Variants in GRID2 observed in about 807,000 individuals in gnomAD.
GRID2 encodes the protein glutamate receptor ionotropic, delta-2.
A neutral mutation model predicts 114.8 loss-of-function variants in GRID2; 33 were observed. The ratio of observed to expected loss-of-function variants is 0.29; its 90% CI spans 0.22 to 0.38. The LOEUF (loss-of-function observed/expected upper bound fraction) is 0.38, where lower values mean the gene tolerates loss of function less well. Among genes scored for constraint, GRID2 ranks in the 10% least tolerant of loss-of-function variants. The pLI is 1.00. For synonymous variants in GRID2, 505 were observed against 449.9 expected (o/e 1.12, Z -1.55); for missense variants, 1,184 against 1,257.7 (o/e 0.94, Z 0.89).
At chr4:93,197,341 GTTACTT>G (rs1741597733) in intron 4 of GRID2, among the ~76,000 whole-genome samples, 1 of 152,100 alleles carries the variant, frequency 6.6e-6, no homozygotes, top group South Asian at 2.1e-4. Flanking sequence ...ATTTGGGTGA[GTTACTT>G]TAACTTTTTG....
chr4:93,041,034 C>G (rs1016770870), intron 2 of GRID2, among the ~76,000 whole-genome samples: 1 of 151,890 alleles, frequency 6.6e-6, no homozygotes, highest in Non-Finnish European at 1.5e-5. Flanking sequence ...AAATTAAGAA[C>G]AAAAATCAGA....
At chr4:93,076,982 C>T (rs879680828) in intron 2 of GRID2, among the ~76,000 whole-genome samples, 1 of 152,078 alleles carries the variant, frequency 6.6e-6, no homozygotes, top group Non-Finnish European at 1.5e-5. Flanking sequence ...GTAGCAGTCC[C>T]TCAGTCTTTT....
intron 13 of GRID2, among the ~76,000 whole-genome samples, chr4:93,545,378 G>T (rs2149533541): frequency 6.6e-6 from 1 of 152,252 alleles, no homozygotes; most frequent in African/African-American, 2.4e-5. Context: ...TATGGGAAGA[G>T]CTGGGTCAGA....
At chr4:92,964,325 A>C (rs1753001238) in intron 2 of GRID2, among the ~76,000 whole-genome samples, 2 of 151,900 alleles carry the variant, frequency 1.3e-5, no homozygotes, top group African/African-American at 4.8e-5. Context: ...TCTTCACTAA[A>C]AATATGTTGT....
chr4:93,200,043 A>C (rs985429355), intron 4 of GRID2, among the ~76,000 whole-genome samples: 8 of 152,134 alleles, frequency 5.3e-5, no homozygotes, highest in African/African-American at 1.7e-4. Flanking sequence ...TTTTAGCAGA[A>C]CTCTATAGTA....
At chr4:93,778,288 T>TA (rs1285193188), downstream of GRID2, among the ~76,000 whole-genome samples, 1 of 151,992 alleles carries the variant, frequency 6.6e-6, no homozygotes, top group East Asian at 1.9e-4. Context: ...CCTCTATTAA[T>TA]ATCTGTTTAC....
At chr4:92,850,808 G>T (rs1345001417) in intron 2 of GRID2, among the ~76,000 whole-genome samples, 1 of 151,908 alleles carries the variant, frequency 6.6e-6, no homozygotes, top group Non-Finnish European at 1.5e-5. Context: ...ACTTCCTTCA[G>T]ATGATTGGGA....
In GRID2 at chr4:93,632,816, C is replaced by A. The variant is rs1721050125; in HGVS notation, c.2360+6381C>A. ...TATAAATTACCTTGGGCAGTATGGCCATTTTCACGATGTTGATTCTTCCTA... is the reference window on the plus strand; with the variant it reads ...TATAAATTACCTTGGGCAGTATGGCAATTTTCACGATGTTGATTCTTCCTA... On this transcript the variant is annotated intron_variant, in intron 14 of 15. Transcript: ENST00000282020. 2.0e-5 allele frequency among the ~76,000 whole-genome samples: 3 copies of A among 152,116 alleles called. No homozygotes were observed. In the South Asian group the frequency reaches 6.2e-4, roughly 32 times the overall value.
chr4:93,085,410 TATAAAC>T (rs1730240813), intron 3 of GRID2, 131 bp downstream of exon 3: 1 of 725,432 alleles, frequency 1.4e-6, no homozygotes, highest in Non-Finnish European at 2.3e-6. Context: ...ATATTTTTCT[TATAAAC>T]ATAGCAACAA....
chr4:92,653,866 A>G (rs1732099620), intron 2 of GRID2, among the ~76,000 whole-genome samples: 1 of 152,154 alleles, frequency 6.6e-6, no homozygotes, highest in South Asian at 2.1e-4. Context: ...TTATGTGGTC[A>G]TAAATTCTTG....
At chr4:93,407,680 T>G (rs1766594501) in intron 9 of GRID2, among the ~76,000 whole-genome samples, 1 of 151,496 alleles carries the variant, frequency 6.6e-6, no homozygotes, top group Admixed American at 6.6e-5. Context: ...TTCAGAATTT[T>G]TTTTTTTTCA....
chr4:92,491,260 C>T (rs867971643), intron 1 of GRID2, among the ~76,000 whole-genome samples: 12 of 152,200 alleles, frequency 7.9e-5, no homozygotes, highest in Middle Eastern at 3.4e-3. Context: ...CATATATATG[C>T]ATCTTGCATT....
intron 1 of GRID2, among the ~76,000 whole-genome samples, chr4:92,559,099 T>C (rs1726998033): frequency 6.6e-6 from 1 of 152,180 alleles, no homozygotes; most frequent in African/African-American, 2.4e-5. Flanking sequence ...TGCCTATAAC[T>C]TAAAAGTAAA....
intron 2 of GRID2, among the ~76,000 whole-genome samples, chr4:92,703,977 T>A (rs1490240856): frequency 6.6e-6 from 1 of 152,038 alleles, no homozygotes; most frequent in African/African-American, 2.4e-5. Context: ...GTTTGCAGAA[T>A]TAAAAATAAG....
intron 13 of GRID2, among the ~76,000 whole-genome samples, chr4:93,516,934 A>G (rs532215860): frequency 1.3e-5 from 2 of 152,092 alleles, no homozygotes; most frequent in African/African-American, 4.8e-5. Context: ...ACCTCATTCT[A>G]TACAGTATTA....
At chr4:92,890,903 C>T (rs1337097881) in intron 2 of GRID2, among the ~76,000 whole-genome samples, 1 of 152,092 alleles carries the variant, frequency 6.6e-6, no homozygotes, top group East Asian at 1.9e-4. Context: ...GAAAATGTGG[C>T]ACATATACAC....
At chr4:92,461,433 G>A (rs541942014) in intron 1 of GRID2, among the ~76,000 whole-genome samples, 2 of 151,938 alleles carry the variant, frequency 1.3e-5, no homozygotes, top group Non-Finnish European at 2.9e-5. Flanking sequence ...AACTGAGGAC[G>A]TGTTGTGTTT....
chr4:93,697,940 T>A (rs1727188382), intron 14 of GRID2, among the ~76,000 whole-genome samples: 1 of 147,096 alleles, frequency 6.8e-6, no homozygotes, highest in African/African-American at 2.5e-5. Context: ...AAGAAAAATT[T>A]TAACACCTTT....
intron 2 of GRID2, among the ~76,000 whole-genome samples, chr4:92,653,663 G>C (rs568203470): frequency 5.9e-5 from 9 of 152,148 alleles, no homozygotes; most frequent in African/African-American, 2.2e-4. Flanking sequence ...CCTATTGTAT[G>C]CTGTACTTGC....
Sources: gnomAD v4.1 joint callset for allele counts (sites outside exome capture counted in the v4.1 genomes callset) on GRCh38, gnomAD v4.1.1 for gene constraint, MANE v1.5 for transcripts, NCBI Gene and HGNC (gene_info 2026-07-23, HGNC 2026-07-21) for gene names.